MVK: variants seen among roughly 807,000 people sequenced by gnomAD.
MVK encodes mevalonate kinase.
Under a neutral mutation model 43.2 loss-of-function variants are expected in MVK, and 34 were observed. The observed-to-expected ratio is 0.79, with a 90% confidence interval of 0.60 to 1.05. The LOEUF (loss-of-function observed/expected upper bound fraction) is 1.05, where lower values mean the gene tolerates loss of function less well. Among genes scored for constraint, MVK ranks in the 50% least tolerant of loss-of-function variants. The pLI is 0.00. For synonymous variants in MVK, 190 were observed against 219.8 expected (o/e 0.86, Z 1.20); for missense variants, 395 against 504.0 (o/e 0.78, Z 2.07).
In MVK at chr12:109,580,002, A is replaced by C; in HGVS notation, c.371+56A>C. ...ATTCAGCCTCCCATGGAGAAAAAGG[A>C]AGAGTTTCTGTCATTGCTGCTGGAG... On this transcript the variant is annotated intron_variant, in intron 4 of 10. Coordinates refer to ENST00000228510, the MANE Select transcript of MVK (RefSeq NM_000431.4). 2.5e-6 allele frequency: 4 copies of C among 1,611,382 alleles called. No individual in the cohort carries two copies. In the South Asian group the frequency reaches 4.4e-5, roughly 18 times the overall value.
intron 3 of MVK, chr12:109,579,416 A>G (rs112484123): frequency 2.8e-6 from 1 of 356,108 alleles, no homozygotes; most frequent in South Asian, 2.1e-5. Context: ...CTGGGGTTAC[A>G]GGCATAAGCG....
chr12:109,578,954 G>T (rs976386972), intron 3 of MVK, among the ~76,000 whole-genome samples: 1 of 152,132 alleles, frequency 6.6e-6, no homozygotes, highest in Admixed American at 6.5e-5. Context: ...GCACCGCCTC[G>T]CATTTACACT....
At chr12:109,592,477 G>A (rs916122628) in intron 9 of MVK, among the ~76,000 whole-genome samples, 4 of 152,154 alleles carry the variant, frequency 2.6e-5, no homozygotes, top group African/African-American at 7.2e-5. Flanking sequence ...GTCCCTCCCC[G>A]CGCCCCGCAC....
At position 109,591,297 on chromosome 12, in the gene MVK, T is replaced by A; in HGVS notation, c.825T>A (p.Cys275Ter). ...CAATAGATGCCATCTCCCTGGAGTG[T>A]GAGCGCGTGCTGGGAGAGATGGGGG... is the stretch of plus-strand genomic sequence containing the variant. ...LTSIDAISLE[C>*]ERVLGEMGEA... is the part of the protein sequence containing the mutation. Residue 275 changes from cysteine to a stop codon, truncating the protein, a stop_gained, in exon 9 of 11, where the codon TGT becomes TGA. Coordinates refer to ENST00000228510, the MANE Select transcript of MVK (RefSeq NM_000431.4). LOFTEE classifies it high-confidence loss of function. 1 of 1,614,172 alleles carries A rather than the reference T, an allele frequency of 6.2e-7. No individual in the cohort carries two copies. Among genetic ancestry groups the A allele is most frequent in the South Asian group, 1.1e-5 (1 of 91,072 alleles).
Position 109,581,604 on chromosome 12 carries a change from G to A in MVK, c.527+54G>A, listed in dbSNP as rs188739897. The A allele has an allele frequency of 3.6e-4, 573 of 1,612,220 alleles. 4 individuals carry two copies. In the African/African-American group the frequency reaches 6.2e-3, roughly 18 times the overall value. ...CCCTCCCGCACGGCAGGACAGGGAC[G>A]TGGCTTCTCTCACTGAGACCTCACC... On this transcript the variant is annotated intron_variant, in intron 5 of 10. Transcript: ENST00000228510.
chr12:109,579,723 G>A lies in MVK; in HGVS notation c.227-79G>A, dbSNP rs540424949. On this transcript the variant is annotated intron_variant, in intron 3 of 10. Transcript: ENST00000228510. ...CATGTTCCAATTCCAGTGACTAGTC[G>A]ATTTTCTGTGTTCTGTTGTTTATAA... The A allele has an allele frequency of 1.8e-4, 284 of 1,578,460 alleles. 4 individuals carry two copies. In the South Asian group the frequency reaches 2.5e-3, roughly 14 times the overall value.
chr12:109,586,691 TC>T, intron 6 of MVK, 62 bp from the exon 7 acceptor site: 1 of 1,591,012 alleles, frequency 6.3e-7, no homozygotes, highest in South Asian at 1.1e-5. Context: ...TCAACCTCTC[TC>T]CCAAGTAGCA....
In MVK at chr12:109,590,634, C is replaced by T. The variant is rs1885624735; in HGVS notation, c.678-137C>T. ...TGGCCAGCAGCAGAAGCCCCATGCT[C>T]CCCCAATCCAGTGTCACCTCTTGTG... On this transcript the variant is annotated intron_variant, in intron 7 of 10. Transcript: ENST00000228510. The T allele has an allele frequency of 3.9e-6, 3 of 767,690 alleles. No individual in the cohort carries two copies. The Admixed American group carries it at 5.9e-5, about 15-fold the overall frequency. 47.6% of individuals were successfully genotyped at this position (767,690 alleles called of 1,614,324 possible). A position where few individuals can be genotyped will look rare whatever the true frequency, so the allele number is the denominator to read the frequency against.
At chr12:109,590,585 G>T (rs1047792527) in intron 7 of MVK, 186 bp from the exon 8 acceptor site, 2 of 654,206 alleles carry the variant, frequency 3.1e-6, no homozygotes, top group Non-Finnish European at 5.5e-6. Flanking sequence ...CACCCAACCA[G>T]TGCCTGGGAT....
At chr12:109,582,565 CA>C (rs199542388) in intron 5 of MVK, among the ~76,000 whole-genome samples, 1,527 of 152,158 alleles carry the variant, frequency 0.01, 19 homozygotes, top group African/African-American at 0.03. Context: ...CCCTGAAGGC[CA>C]GTCATTCCTT....
At chr12:109,586,619 G>A (rs1885443439) in intron 6 of MVK, 135 bp from the exon 7 acceptor site, 1 of 948,704 alleles carries the variant, frequency 1.1e-6, no homozygotes, top group Non-Finnish European at 1.7e-6. Context: ...TGTAACTGAA[G>A]CTGGGCTGAC....
chr12:109,575,886 G>T, intron 2 of MVK, 112 bp from the exon 3 acceptor site: 1 of 1,281,320 alleles, frequency 7.8e-7, no homozygotes, highest in Non-Finnish European at 1.1e-6. Context: ...GTCTGGCAAG[G>T]GCATGGCTAG....
intron 7 of MVK, chr12:109,590,255 C>A (rs943346211): frequency 4.8e-6 from 1 of 210,068 alleles, no homozygotes; most frequent in African/African-American, 2.3e-5. Flanking sequence ...GGGTGACCCA[C>A]ACAAGTGAAC....
At chr12:109,586,937 A>C in intron 7 of MVK, 138 bp downstream of exon 7, 1 of 998,680 alleles carries the variant, frequency 1.0e-6, no homozygotes, top group East Asian at 2.5e-5. Flanking sequence ...CTCACAGTGC[A>C]CTAGCTGCAA....
chr12:109,582,146 A>G (rs1885245657), intron 5 of MVK, among the ~76,000 whole-genome samples: 2 of 152,222 alleles, frequency 1.3e-5, no homozygotes, highest in South Asian at 4.1e-4. Context: ...GCTTGACCAC[A>G]GACCATTTCT....
Position 109,579,824 on chromosome 12 carries a change from C to T in MVK, c.249C>T (p.Pro83=). 1.2e-6 allele frequency: 2 copies of T among 1,614,246 alleles called. No individual in the cohort carries two copies. Among genetic ancestry groups the T allele is most frequent in the South Asian group, 2.2e-5 (2 of 91,080 alleles). ...CAGAGCAAGGTGATGTCACAACACC[C>T]ACCTCAGAGCAAGTGGAGAAGCTAA... The part of the protein sequence containing the change: ...SFLEQGDVTT[P]TSEQVEKLKE... The change falls in exon 4 of 11, where the codon CCC becomes CCT. Residue 83 remains proline, a synonymous_variant. Coordinates refer to ENST00000228510, the MANE Select transcript of MVK (RefSeq NM_000431.4).
intron 7 of MVK, chr12:109,589,961 A>C (rs1885596755): frequency 1.3e-5 from 2 of 154,064 alleles, no homozygotes; most frequent in East Asian, 3.8e-4. Flanking sequence ...CTAGAGAGTC[A>C]GCTCAACGTG....
At chr12:109,586,891 G>A (rs1885458860) in intron 7 of MVK, 92 bp downstream of exon 7, 1 of 1,484,992 alleles carries the variant, frequency 6.7e-7, no homozygotes, top group Non-Finnish European at 9.3e-7. Flanking sequence ...ACCATAGGAG[G>A]CAGGTGTCCC....
At chr12:109,592,480 C>G (rs1330065586) in intron 9 of MVK, among the ~76,000 whole-genome samples, 1 of 152,230 alleles carries the variant, frequency 6.6e-6, no homozygotes, top group Non-Finnish European at 1.5e-5. Flanking sequence ...CCTCCCCGCG[C>G]CCCGCACTCT....
Sources: gnomAD v4.1 joint callset for allele counts (sites outside exome capture counted in the v4.1 genomes callset) on GRCh38, gnomAD v4.1.1 for gene constraint, MANE v1.5 for transcripts, NCBI Gene and HGNC (gene_info 2026-07-23, HGNC 2026-07-21) for gene names.